The following OTOA variants were observed in gnomAD, a reference collection of about 807,000 sequenced individuals.
OTOA encodes the protein otoancorin.
Under a neutral mutation model 110.8 loss-of-function variants are expected in OTOA, and 70 were observed. That is an observed-to-expected ratio of 0.63 (90% confidence interval 0.52 to 0.77). The LOEUF is 0.77. OTOA is among the 30% of genes least tolerant of loss of function. The pLI, the probability that OTOA is intolerant of heterozygous loss-of-function variation, is 0.00. For synonymous variants in OTOA, 373 were observed against 431.5 expected, an observed-to-expected ratio of 0.86 and a Z score of 1.68; for missense variants, 917 against 1,075.8, an observed-to-expected ratio of 0.85 and a Z score of 2.06.
chr16:21,736,204 A>G (rs1899288478), intron 21 of OTOA, 57 bp from the exon 22 acceptor site: 3 of 1,517,228 alleles, frequency 2.0e-6, no homozygotes, highest in East Asian at 2.2e-5. Context: ...TCTAATTTCA[A>G]TCTGTATTTA....
In OTOA at chr16:21,719,477, C is replaced by A. The variant is rs940529270; in HGVS notation, c.1779C>A (p.Asn593Lys). 1.2e-6 allele frequency: 2 copies of A among 1,614,122 alleles called. No homozygotes were observed. Among genetic ancestry groups the A allele is most frequent in the East Asian group, 4.5e-5 (2 of 44,878 alleles). Reference protein sequence around the residue: ...FFLAHFQDFQNNFALLSPYQV... With the variant: ...FFLAHFQDFQKNFALLSPYQV... ...TGGCCCATTTCCAGGATTTTCAGAA[C>A]AACTTCGCCCTGCTTTCACCCTATC... The change falls in exon 17 of 29, where the codon AAC becomes AAA. Residue 593 changes from asparagine to lysine, a missense_variant. By Grantham distance (94) the Asn-to-Lys change is moderately conservative (BLOSUM62 0). Coordinates refer to ENST00000646100, the MANE Select transcript of OTOA (RefSeq NM_144672.4).
At chr16:21,753,297 C>T (rs1777827516) in intron 27 of OTOA, among the ~76,000 whole-genome samples, 173 bp downstream of exon 27, 1 of 114,412 alleles carries the variant, frequency 8.7e-6, no homozygotes, top group African/African-American at 3.0e-5. Context: ...CTTAAAATTA[C>T]AATATGTAGT....
intron 21 of OTOA, among the ~76,000 whole-genome samples, chr16:21,733,924 T>C (rs1899197837): frequency 6.6e-6 from 1 of 152,154 alleles, no homozygotes; most frequent in African/African-American, 2.4e-5. Context: ...CTCAGCCTCC[T>C]GAGTAGCAGG....
At chr16:21,668,465 T>C (rs1966844942) in intron 1 of OTOA, among the ~76,000 whole-genome samples, 1 of 149,242 alleles carries the variant, frequency 6.7e-6, no homozygotes, top group Non-Finnish European at 1.5e-5. Flanking sequence ...CTTTCTTTTT[T>C]TTTTTTTTTT....
chr16:21,735,072 TG>T (rs1899244460), intron 21 of OTOA, among the ~76,000 whole-genome samples: 1 of 139,302 alleles, frequency 7.2e-6, no homozygotes, highest in African/African-American at 2.7e-5. Flanking sequence ...GCCTGGGAGG[TG>T]GAGGTTGCAG....
intron 12 of OTOA, among the ~76,000 whole-genome samples, chr16:21,706,355 G>A (rs2141682046): frequency 6.6e-6 from 1 of 152,324 alleles, no homozygotes; most frequent in Non-Finnish European, 1.5e-5. Flanking sequence ...CACACCTGGA[G>A]CGGCAGGAGA....
intron 9 of OTOA, among the ~76,000 whole-genome samples, chr16:21,695,921 G>A (rs1377831800): frequency 9.3e-6 from 1 of 107,574 alleles, no homozygotes; most frequent in South Asian, 2.7e-4. Context: ...CTGAGATGGA[G>A]TCTGGCTCTG....
chr16:21,672,953 G>C (rs1307154338), intron 1 of OTOA, among the ~76,000 whole-genome samples: 1 of 152,126 alleles, frequency 6.6e-6, no homozygotes, highest in East Asian at 1.9e-4. Flanking sequence ...TTTGAGATCA[G>C]CCTGGGAAAC....
At chr16:21,717,615 G>A (rs1034746588) in intron 15 of OTOA, among the ~76,000 whole-genome samples, 23 of 152,248 alleles carry the variant, frequency 1.5e-4, no homozygotes, top group East Asian at 7.7e-4. Context: ...GTAAGTATTC[G>A]CGGCTATTAT....
At chr16:21,720,380 C>T (rs1033708857) in intron 17 of OTOA, among the ~76,000 whole-genome samples, 1 of 152,196 alleles carries the variant, frequency 6.6e-6, no homozygotes, top group Non-Finnish European at 1.5e-5. Flanking sequence ...CAACTCTGGC[C>T]TTGTGTTTCA....
intron 18 of OTOA, among the ~76,000 whole-genome samples, chr16:21,726,203 G>A (rs2141716092): frequency 6.6e-6 from 1 of 152,238 alleles, no homozygotes; most frequent in South Asian, 2.1e-4. Flanking sequence ...TAGAAGAGGA[G>A]CATGATGGGA....
chr16:21,714,814 C>G (rs930790237), intron 13 of OTOA, among the ~76,000 whole-genome samples, 171 bp from the exon 14 acceptor site: 1 of 152,116 alleles, frequency 6.6e-6, no homozygotes, highest in African/African-American at 2.4e-5. Flanking sequence ...CTGGCCAACT[C>G]TCTTTCTTGA....
intron 13 of OTOA, among the ~76,000 whole-genome samples, chr16:21,713,050 AC>A (rs771301743): frequency 6.6e-6 from 1 of 151,156 alleles, no homozygotes; most frequent in African/African-American, 2.4e-5. Flanking sequence ...TTCAGCCTTG[AC>A]CCCCCAGGCT....
intron 1 of OTOA, among the ~76,000 whole-genome samples, chr16:21,666,364 G>T (rs527392268): frequency 1.3e-5 from 2 of 150,682 alleles, no homozygotes; most frequent in South Asian, 4.2e-4. Flanking sequence ...CCATGTAATT[G>T]TGAATTAATG....
At chr16:21,757,799 G>T (rs185366969) in intron 28 of OTOA, among the ~76,000 whole-genome samples, 1,746 of 151,996 alleles carry the variant, frequency 0.011, 25 homozygotes, top group Middle Eastern at 0.054. Context: ...TGTATTTTTA[G>T]TAGAGATGGG....
At chr16:21,714,525 C>G (rs1378426942) in intron 13 of OTOA, among the ~76,000 whole-genome samples, 1 of 136,356 alleles carries the variant, frequency 7.3e-6, no homozygotes, top group Non-Finnish European at 1.6e-5. Flanking sequence ...TCTTTCTTTT[C>G]TTTCTGACAG....
chr16:21,712,980 T>C (rs567150384), intron 13 of OTOA, among the ~76,000 whole-genome samples: 5 of 152,234 alleles, frequency 3.3e-5, no homozygotes, highest in Non-Finnish European at 7.4e-5. Context: ...TTTTTGTTTT[T>C]TGAGACAGGT....
intron 11 of OTOA, among the ~76,000 whole-genome samples, chr16:21,702,385 C>T (rs2141677265): frequency 6.6e-6 from 1 of 152,274 alleles, no homozygotes; most frequent in South Asian, 2.1e-4. Flanking sequence ...ATCTGTTTCA[C>T]CTACCTTTAG....
rs942234522 is a variant in OTOA at position 21,681,945 on chromosome 16, A to G, written c.267+120A>G. The stretch of plus-strand genomic sequence containing the variant: ...GAGATAGTCTTTGCTTCTGCAAGGA[A>G]AAGGGTTCTGTCCAGTTTTTCTTGA... On this transcript the variant is annotated intron_variant, in intron 6 of 28. Transcript: ENST00000646100. 4.7e-5 allele frequency: 43 copies of G among 922,840 alleles called. No homozygotes were observed. In the Middle Eastern group the frequency reaches 1.1e-3, roughly 24 times the overall value. 57.2% of individuals were successfully genotyped at this position (922,840 alleles called of 1,614,324 possible). A position where few individuals can be genotyped will look rare whatever the true frequency, so the allele number is the denominator to read the frequency against.
Sources: allele counts gnomAD v4.1 joint callset (sites outside exome capture counted in the v4.1 genomes callset), GRCh38; gene constraint gnomAD v4.1.1; transcripts MANE v1.5; gene names NCBI Gene and HGNC (gene_info 2026-07-23, HGNC 2026-07-21).